The following COLQ variants were observed in gnomAD, a reference collection of about 807,000 sequenced individuals.
COLQ encodes collagen like tail subunit of asymmetric acetylcholinesterase, also known as acetylcholinesterase collagenic tail peptide.
In COLQ, 48 loss-of-function variants were observed where a neutral mutation model predicts 69.0. That is an observed-to-expected ratio of 0.70 (90% confidence interval 0.55 to 0.88). The LOEUF is 0.88. Among genes scored for constraint, COLQ ranks in the 40% least tolerant of loss-of-function variants. The probability of loss-of-function intolerance (pLI) is 0.00; values close to 1 mark genes in which losing one functional copy is unlikely to be tolerated. For synonymous variants in COLQ, 217 were observed against 211.2 expected (o/e 1.03, Z -0.24); for missense variants, 618 against 594.6 (o/e 1.04, Z -0.41).
chr3:15,497,435 G>T (rs1265140282), intron 1 of COLQ, among the ~76,000 whole-genome samples: 1 of 152,042 alleles, frequency 6.6e-6, no homozygotes, highest in African/African-American at 2.4e-5. Context: ...CCCACAATAG[G>T]TTACTGGAAA....
At chr3:15,472,883 C>T (rs1256971761) in intron 10 of COLQ, among the ~76,000 whole-genome samples, 3 of 151,552 alleles carry the variant, frequency 2.0e-5, no homozygotes, top group Non-Finnish European at 4.4e-5. Flanking sequence ...TTTTCAGAGA[C>T]ATGGTCTTTC....
intron 12 of COLQ, among the ~76,000 whole-genome samples, chr3:15,458,538 T>G (rs979153709): frequency 1.3e-5 from 2 of 152,240 alleles, no homozygotes; most frequent in Admixed American, 1.3e-4. Context: ...TTCCCCCTCC[T>G]TCCTGCCTTG....
intron 13 of COLQ, among the ~76,000 whole-genome samples, chr3:15,457,445 G>A (rs1201620871): frequency 6.6e-6 from 1 of 152,028 alleles, no homozygotes. Context: ...AGAAAACAAG[G>A]ACACAGGCTC....
At chr3:15,502,760 AG>A (rs2062848894) in intron 1 of COLQ, among the ~76,000 whole-genome samples, 1 of 152,146 alleles carries the variant, frequency 6.6e-6, no homozygotes, top group Admixed American at 6.5e-5. Flanking sequence ...TGTGTTAAGA[AG>A]GACTCTGAGG....
intron 1 of COLQ, among the ~76,000 whole-genome samples, chr3:15,492,851 C>G (rs2062692561): frequency 6.6e-6 from 1 of 152,188 alleles, no homozygotes; most frequent in African/African-American, 2.4e-5. Context: ...CCCATCCCAG[C>G]CTTTGAAACA....
At chr3:15,457,643 C>T (rs960707556) in intron 13 of COLQ, among the ~76,000 whole-genome samples, 8 of 144,374 alleles carry the variant, frequency 5.5e-5, no homozygotes, top group South Asian at 2.2e-4. Context: ...GACGGAGTCT[C>T]GCTCTGTTGC....
chr3:15,486,993 G>A (rs768990573), intron 3 of COLQ, among the ~76,000 whole-genome samples: 6 of 152,184 alleles, frequency 3.9e-5, no homozygotes, highest in Non-Finnish European at 5.9e-5. Flanking sequence ...AAACTTTGCC[G>A]CAGGATTTGA....
chr3:15,483,759 G>C (rs1239558470), intron 3 of COLQ, among the ~76,000 whole-genome samples: 1 of 152,130 alleles, frequency 6.6e-6, no homozygotes, highest in Non-Finnish European at 1.5e-5. Flanking sequence ...TTCAAGTCCT[G>C]GATATCCTTG....
At chr3:15,503,530 T>C (rs2062861208) in intron 1 of COLQ, among the ~76,000 whole-genome samples, 1 of 152,102 alleles carries the variant, frequency 6.6e-6, no homozygotes, top group Non-Finnish European at 1.5e-5. Context: ...TAAATTTTGA[T>C]TAGGATAAGC....
intron 1 of COLQ, among the ~76,000 whole-genome samples, chr3:15,499,738 TG>T (rs1307706078): frequency 6.6e-6 from 1 of 152,246 alleles, no homozygotes; most frequent in Non-Finnish European, 1.5e-5. Context: ...GCCCTTGGAA[TG>T]TGTCGTTCAG....
intron 12 of COLQ, among the ~76,000 whole-genome samples, chr3:15,465,576 T>C (rs1481734339): frequency 1.4e-5 from 2 of 147,542 alleles, no homozygotes; most frequent in Non-Finnish European, 3.0e-5. Flanking sequence ...AACTTTTTAT[T>C]TTTTTATTTT....
chr3:15,458,441 G>T, intron 12 of COLQ, 116 bp from the exon 13 acceptor site: 1 of 1,139,808 alleles, frequency 8.8e-7, no homozygotes, highest in Non-Finnish European at 1.3e-6. Context: ...GCATTTCAGG[G>T]TATGCCTGAG....
chr3:15,503,726 C>T (rs2062864361), intron 1 of COLQ, among the ~76,000 whole-genome samples: 1 of 151,866 alleles, frequency 6.6e-6, no homozygotes, highest in Admixed American at 6.6e-5. Context: ...AGGGATGCAC[C>T]CAAGGTCAAA....
At chr3:15,499,077 T>C (rs984884170) in intron 1 of COLQ, among the ~76,000 whole-genome samples, 1 of 146,590 alleles carries the variant, frequency 6.8e-6, no homozygotes, top group African/African-American at 2.5e-5. Context: ...GGGAAGACCT[T>C]CATGGCCAGG....
At chr3:15,477,865 G>A (rs1002773315) in intron 5 of COLQ, among the ~76,000 whole-genome samples, 2 of 152,158 alleles carry the variant, frequency 1.3e-5, no homozygotes, top group Non-Finnish European at 2.9e-5. Context: ...TCCCGAGAGT[G>A]GTCCCATAAT....
intron 11 of COLQ, among the ~76,000 whole-genome samples, chr3:15,468,520 T>C (rs2125106747): frequency 6.6e-6 from 1 of 151,818 alleles, no homozygotes; most frequent in Non-Finnish European, 1.5e-5. Context: ...TTAGTAGAGG[T>C]GGGATGTCAC....
chr3:15,451,841 T>G, intron 16 of COLQ, 128 bp from the exon 17 acceptor site: 1 of 802,468 alleles, frequency 1.2e-6, no homozygotes, highest in Non-Finnish European at 2.1e-6. Context: ...TCATTTGGAG[T>G]GAGAGGCCTG....
intron 1 of COLQ, among the ~76,000 whole-genome samples, chr3:15,507,550 G>A (rs111916621): frequency 0.026 from 3,879 of 152,012 alleles, 166 homozygotes; most frequent in African/African-American, 0.088. Context: ...GACCTCCCAA[G>A]CTCAAACAAT....
intron 12 of COLQ, among the ~76,000 whole-genome samples, chr3:15,464,314 T>C (rs1308130949): frequency 6.6e-6 from 1 of 152,204 alleles, no homozygotes; most frequent in Non-Finnish European, 1.5e-5. Flanking sequence ...ACGTATGGCA[T>C]GAGAACAGCA....
Sources: allele counts gnomAD v4.1 joint callset (sites outside exome capture counted in the v4.1 genomes callset), GRCh38; gene constraint gnomAD v4.1.1; transcripts MANE v1.5; gene names NCBI Gene and HGNC (gene_info 2026-07-23, HGNC 2026-07-21).